Variants in SPHKAP observed in about 807,000 individuals in gnomAD.
SPHKAP encodes the protein SPHK1 interactor, AKAP domain containing, also known as A-kinase anchor protein SPHKAP.
Under a neutral mutation model 137.5 loss-of-function variants are expected in SPHKAP, and 67 were observed. The observed-to-expected ratio is 0.49, with a 90% confidence interval of 0.40 to 0.60. The LOEUF (loss-of-function observed/expected upper bound fraction) is 0.60. SPHKAP is among the 20% of genes least tolerant of loss of function. The pLI is 0.00. For missense variants in SPHKAP, 2,097 were observed against 2,069.3 expected, an observed-to-expected ratio of 1.01 and a Z score of -0.26; for synonymous variants, 813 against 785.3, an observed-to-expected ratio of 1.04 and a Z score of -0.59.
chr2:228,160,757 C>T (rs1376291058), intron 1 of SPHKAP, among the ~76,000 whole-genome samples: 1 of 152,152 alleles, frequency 6.6e-6, no homozygotes, highest in Non-Finnish European at 1.5e-5. Context: ...TATTTTAAAC[C>T]TCTGCATATT....
At chr2:228,051,752 A>G (rs1167744690) in intron 3 of SPHKAP, among the ~76,000 whole-genome samples, 1 of 152,240 alleles carries the variant, frequency 6.6e-6, no homozygotes, top group Non-Finnish European at 1.5e-5. Context: ...TATATTTCTC[A>G]GAGTTCTGAA....
chr2:228,014,544 T>C (rs1350317866), intron 7 of SPHKAP, among the ~76,000 whole-genome samples: 1 of 152,242 alleles, frequency 6.6e-6, no homozygotes, highest in East Asian at 1.9e-4. Flanking sequence ...GCTTTCTCCT[T>C]ATTCTTCCAG....
intron 2 of SPHKAP, among the ~76,000 whole-genome samples, chr2:228,116,144 C>T (rs1328983439): frequency 6.6e-6 from 1 of 152,118 alleles, no homozygotes; most frequent in African/African-American, 2.4e-5. Flanking sequence ...GTGATAGCAG[C>T]TCTGACAAAC....
chr2:228,061,550 G>A (rs1696633444), intron 3 of SPHKAP, among the ~76,000 whole-genome samples: 1 of 151,986 alleles, frequency 6.6e-6, no homozygotes, highest in Non-Finnish European at 1.5e-5. Flanking sequence ...AGGATTACAG[G>A]CATGAGCCAC....
chr2:228,030,510 T>C (rs1695250265), intron 3 of SPHKAP, among the ~76,000 whole-genome samples: 1 of 43,696 alleles, frequency 2.3e-5, no homozygotes, highest in Non-Finnish European at 3.9e-5. Context: ...CAAGATACCA[T>C]CTCAAAAAAA....
intron 1 of SPHKAP, among the ~76,000 whole-genome samples, chr2:228,136,990 T>A (rs1174103693): frequency 6.6e-6 from 1 of 152,080 alleles, no homozygotes; most frequent in East Asian, 1.9e-4. Flanking sequence ...CTCTTCCCCC[T>A]GCCAAGGAGG....
chr2:228,063,174 A>ATCTGTCTGTCTGTCTGTCTG (rs1553536379), intron 3 of SPHKAP, among the ~76,000 whole-genome samples: 31 of 147,284 alleles, frequency 2.1e-4, no homozygotes, highest in African/African-American at 7.6e-4. Flanking sequence ...CTATCTATCT[A>ATCTGTCTGTCTGTCTGTCTG]TCTGTCTGTC....
intron 5 of SPHKAP, among the ~76,000 whole-genome samples, chr2:228,023,469 C>T (rs1357638544): frequency 6.6e-6 from 1 of 152,206 alleles, no homozygotes; most frequent in Admixed American, 6.5e-5. Flanking sequence ...TTGAGACCCA[C>T]TGGTCCATAG....
chr2:228,028,549 GATT>G (rs1428373969), intron 3 of SPHKAP, among the ~76,000 whole-genome samples: 4 of 152,136 alleles, frequency 2.6e-5, no homozygotes, highest in African/African-American at 9.7e-5. Flanking sequence ...GGTCCTTTAA[GATT>G]ATAATACCGT....
Position 227,993,625 on chromosome 2 carries a change from C to A in SPHKAP, c.4635-5G>T, listed in dbSNP as rs1183016314. On this transcript the variant is annotated splice_region_variant and splice_polypyrimidine_tract_variant and intron_variant, in intron 8 of 11. Transcript: ENST00000392056. ...GTGGCACTACTGTTGCCATTGCTGA[C>A]AAAGCAAAAGTTTACATATTAATGC... 1 of 1,582,960 alleles carries A rather than the reference C, an allele frequency of 6.3e-7. No individual in the cohort carries two copies. Among genetic ancestry groups the A allele is most frequent in the South Asian group, 1.2e-5 (1 of 86,236 alleles).
Position 228,175,946 on chromosome 2 carries a change from T to C in SPHKAP, c.32+5621A>G, listed in dbSNP as rs1700726752. 2.0e-5 allele frequency among the ~76,000 whole-genome samples: 3 copies of C among 152,154 alleles called. No individual in the cohort carries two copies. The South Asian group carries it at 6.2e-4, about 32-fold the overall frequency. ...ACTTAAAAAATCTATCATGAAACCATCATATTTAGAGGAGTTCATTCAGCA... is the reference window on the plus strand; with the variant it reads ...ACTTAAAAAATCTATCATGAAACCACCATATTTAGAGGAGTTCATTCAGCA... On this transcript the variant is annotated intron_variant, in intron 1 of 11. Coordinates refer to ENST00000392056, the MANE Select transcript of SPHKAP (RefSeq NM_001142644.2).
intron 11 of SPHKAP, among the ~76,000 whole-genome samples, chr2:227,989,577 C>T (rs993032855): frequency 5.3e-5 from 8 of 152,124 alleles, no homozygotes; most frequent in Admixed American, 6.5e-5. Context: ...TTGAGTTAAT[C>T]AGAAACCTAT....
intron 3 of SPHKAP, among the ~76,000 whole-genome samples, chr2:228,055,485 C>T (rs1696405959): frequency 6.6e-6 from 1 of 152,176 alleles, no homozygotes; most frequent in Non-Finnish European, 1.5e-5. Flanking sequence ...GTAGAGGAAG[C>T]CCTAAGCAAT....
At chr2:228,171,872 T>TGC (rs1478825149) in intron 1 of SPHKAP, among the ~76,000 whole-genome samples, 1 of 152,178 alleles carries the variant, frequency 6.6e-6, no homozygotes, top group African/African-American at 2.4e-5. Context: ...CCTATTGACA[T>TGC]GCTACCAAAA....
chr2:228,019,362 C>T lies in SPHKAP; in HGVS notation c.1492G>A (p.Val498Met). 6.2e-7 allele frequency: 1 copy of T among 1,614,176 alleles called. No individual in the cohort carries two copies. Among genetic ancestry groups the T allele is most frequent in the Non-Finnish European group, 8.5e-7 (1 of 1,180,032 alleles). The change falls in exon 7 of 12, where the codon GTG becomes ATG. Residue 498 changes from valine to methionine, a missense_variant. Physicochemically the swap from Val to Met is conservative, Grantham distance 21. Transcript: ENST00000392056. ...ACAGTGGCTGCACAAGCTAACGCCA[C>T]TTCTAGAGCACTCTGGGGTTGTCTG... ...SSRQPQSALE[V>M]ALACAATVIG...
At chr2:228,037,601 CAG>C (rs1168079330) in intron 3 of SPHKAP, among the ~76,000 whole-genome samples, 1 of 152,066 alleles carries the variant, frequency 6.6e-6, no homozygotes, top group Non-Finnish European at 1.5e-5. Context: ...CTCATGTAAA[CAG>C]AACCCCCCTC....
intron 2 of SPHKAP, chr2:228,109,254 T>C (rs1698441249): frequency 4.2e-6 from 2 of 477,474 alleles, no homozygotes; most frequent in Non-Finnish European, 5.5e-6. Context: ...GGTATGGCTA[T>C]GTGGGCAATG....
chr2:228,023,711 G>C (rs1171376770), intron 5 of SPHKAP, among the ~76,000 whole-genome samples: 1 of 152,196 alleles, frequency 6.6e-6, no homozygotes, highest in African/African-American at 2.4e-5. Flanking sequence ...AAATGAATCA[G>C]ACAATTGCTC....
Position 228,159,091 on chromosome 2 carries a change from G to C in SPHKAP, c.32+22476C>G, listed in dbSNP as rs563537755. ...TCAGGGTTCCAGTCTGGACTGTAGG[G>C]TCCATCCTCTCCCGACTCTGAGCTC... On this transcript the variant is annotated intron_variant, in intron 1 of 11. Transcript: ENST00000392056. 1.8e-3 allele frequency among the ~76,000 whole-genome samples: 270 copies of C among 152,238 alleles called. 1 individual carries two copies. Among genetic ancestry groups the C allele is most frequent in the African/African-American group, 6.3e-3 (262 of 41,550 alleles).
Sources: gnomAD v4.1 joint callset for allele counts (sites outside exome capture counted in the v4.1 genomes callset) on GRCh38, gnomAD v4.1.1 for gene constraint, MANE v1.5 for transcripts, NCBI Gene and HGNC (gene_info 2026-07-23, HGNC 2026-07-21) for gene names.